DPYD: variants seen among roughly 807,000 people sequenced by gnomAD.
DPYD encodes dihydropyrimidine dehydrogenase [NADP(+)].
DPYD carries 109 observed loss-of-function variants against 116.2 expected under a neutral mutation model. The observed-to-expected ratio is 0.94, with a 90% CI of 0.80 to 1.10. The LOEUF is 1.10. Ranked by LOEUF, DPYD falls within the 50% of genes least tolerant of loss-of-function variation. The pLI is 0.00. For synonymous variants in DPYD, 440 were observed against 432.0 expected (o/e 1.02, Z -0.23); for missense variants, 1,302 against 1,254.5 (o/e 1.04, Z -0.57).
intron 10 of DPYD, chr1:97,586,386 A>C (rs1427805372): frequency 6.7e-6 from 1 of 148,470 alleles, no homozygotes; most frequent in African/African-American, 2.5e-5. Flanking sequence ...TTATTAAATA[A>C]GGCCTGACAG....
At chr1:97,877,961 A>G (rs1672006953) in intron 2 of DPYD, among the ~76,000 whole-genome samples, 1 of 152,030 alleles carries the variant, frequency 6.6e-6, no homozygotes, top group Non-Finnish European at 1.5e-5. Context: ...AGACAAGACA[A>G]ACATTAAGTA....
At chr1:97,704,792 G>T (rs544401423) in intron 5 of DPYD, among the ~76,000 whole-genome samples, 98 of 151,916 alleles carry the variant, frequency 6.5e-4, no homozygotes, top group African/African-American at 2.3e-3. Context: ...TCCATCAACT[G>T]ACTAATATTC....
intron 14 of DPYD, among the ~76,000 whole-genome samples, chr1:97,399,592 C>A (rs1387547434): frequency 1.3e-5 from 2 of 152,068 alleles, no homozygotes; most frequent in Non-Finnish European, 2.9e-5. Context: ...ATGGAATGTT[C>A]TTCCATTTGT....
chr1:97,176,353 T>C (rs1657259119), intron 20 of DPYD, among the ~76,000 whole-genome samples: 1 of 152,082 alleles, frequency 6.6e-6, no homozygotes. Flanking sequence ...ATTGCCCCTA[T>C]GGAGATGGAG....
chr1:97,543,138 T>C (rs1329308874), intron 12 of DPYD, among the ~76,000 whole-genome samples: 3 of 152,196 alleles, frequency 2.0e-5, no homozygotes, highest in Non-Finnish European at 4.4e-5. Flanking sequence ...ATAATAATAA[T>C]TTATAATTGC....
At chr1:97,307,444 CT>C (rs959572415) in intron 16 of DPYD, among the ~76,000 whole-genome samples, 1 of 151,676 alleles carries the variant, frequency 6.6e-6, no homozygotes, top group Non-Finnish European at 1.5e-5. Context: ...ATGTTATAAC[CT>C]TTAGAAAGAA....
At chr1:97,344,618 A>G (rs932421145) in intron 16 of DPYD, among the ~76,000 whole-genome samples, 4 of 151,460 alleles carry the variant, frequency 2.6e-5, no homozygotes, top group Non-Finnish European at 3.0e-5. Context: ...CACACACTAC[A>G]TTGATATATG....
chr1:97,421,597 G>A (rs1169060254), intron 14 of DPYD, among the ~76,000 whole-genome samples: 1 of 152,146 alleles, frequency 6.6e-6, no homozygotes, highest in Non-Finnish European at 1.5e-5. Flanking sequence ...ATAAATATTT[G>A]TTGGAAGAAT....
chr1:97,137,172 C>T (rs1296813984), intron 20 of DPYD, among the ~76,000 whole-genome samples: 2 of 152,188 alleles, frequency 1.3e-5, no homozygotes, highest in African/African-American at 4.8e-5. Flanking sequence ...TCCGGGAATG[C>T]TAAGAATACA....
intron 3 of DPYD, among the ~76,000 whole-genome samples, chr1:97,808,546 A>C (rs1668191739): frequency 6.6e-6 from 1 of 152,086 alleles, no homozygotes; most frequent in Non-Finnish European, 1.5e-5. Context: ...GATTTCCTAC[A>C]TGGACAATCA....
At chr1:97,521,820 A>G (rs1648690159) in intron 12 of DPYD, among the ~76,000 whole-genome samples, 1 of 152,232 alleles carries the variant, frequency 6.6e-6, no homozygotes, top group South Asian at 2.1e-4. Flanking sequence ...AGGATTCCCT[A>G]TTTAATAAAT....
intron 16 of DPYD, among the ~76,000 whole-genome samples, chr1:97,323,381 T>C (rs186353959): frequency 2.5e-5 from 3 of 117,828 alleles, no homozygotes; most frequent in African/African-American, 8.1e-5. Flanking sequence ...CATGTGTATA[T>C]GTACACGTAT....
intron 18 of DPYD, among the ~76,000 whole-genome samples, chr1:97,289,040 A>T (rs1249773590): frequency 1.3e-5 from 2 of 152,174 alleles, no homozygotes; most frequent in Non-Finnish European, 2.9e-5. Context: ...AAACTACCAT[A>T]AGAGAATACT....
Position 97,693,290 on chromosome 1 carries a change from C to CAAA in DPYD, c.681-1495_681-1493dup, listed in dbSNP as rs201872835. Reference sequence around the variant, plus strand: ...TGGGCGACAGAGCCAGACTCCGTCTCAAAAAAAAAAAAAAAAAAAAAAAAA... The same window carrying CAAA: ...TGGGCGACAGAGCCAGACTCCGTCTCAAAAAAAAAAAAAAAAAAAAAAAAAAAA... On this transcript the variant is annotated intron_variant, in intron 6 of 22. Coordinates refer to ENST00000370192, the MANE Select transcript of DPYD (RefSeq NM_000110.4). Among the ~76,000 whole-genome samples the CAAA allele has an allele frequency of 5.0e-4, 21 of 41,812 alleles. 1 individual carries two copies. The highest frequency in any genetic ancestry group is 1.3e-3 in the African/African-American group (9 of 7,190). The allele number at this position is 41,812 out of a possible 152,430, so 27.4% of individuals were successfully genotyped here.
chr1:97,159,268 A>C (rs1655713008), intron 20 of DPYD, among the ~76,000 whole-genome samples: 1 of 152,148 alleles, frequency 6.6e-6, no homozygotes, highest in African/African-American at 2.4e-5. Context: ...CTAGATTTAA[A>C]AGATGTGATA....
chr1:97,406,278 T>A (rs931337590), intron 14 of DPYD, among the ~76,000 whole-genome samples: 25 of 35,916 alleles, frequency 7.0e-4, no homozygotes, highest in Non-Finnish European at 1.9e-3. Context: ...CTCTTTAGCT[T>A]TTTTTTTTTT....
intron 12 of DPYD, among the ~76,000 whole-genome samples, chr1:97,527,963 C>T (rs1232786285): frequency 6.6e-6 from 1 of 152,094 alleles, no homozygotes; most frequent in Non-Finnish European, 1.5e-5. Flanking sequence ...TTGTGATATG[C>T]TACAACGGGC....
At chr1:97,410,786 A>C (rs944938482) in intron 14 of DPYD, among the ~76,000 whole-genome samples, 2 of 152,176 alleles carry the variant, frequency 1.3e-5, no homozygotes, top group Non-Finnish European at 2.9e-5. Context: ...AATGCTAGAA[A>C]ATTCACCAAT....
intron 4 of DPYD, among the ~76,000 whole-genome samples, chr1:97,722,664 C>T (rs959870204): frequency 2.0e-5 from 3 of 151,640 alleles, no homozygotes; most frequent in South Asian, 2.1e-4. Flanking sequence ...AAAGCACAGA[C>T]GTTGCTTCCA....
Sources: gnomAD v4.1 joint callset for allele counts (sites outside exome capture counted in the v4.1 genomes callset) on GRCh38, gnomAD v4.1.1 for gene constraint, MANE v1.5 for transcripts, NCBI Gene and HGNC (gene_info 2026-07-23, HGNC 2026-07-21) for gene names.